Variants in CLNK observed in about 807,000 individuals in gnomAD.
CLNK encodes cytokine dependent hematopoietic cell linker.
In CLNK, 74 loss-of-function variants were observed where a neutral mutation model predicts 68.6. That is an observed-to-expected ratio of 1.08 (90% CI 0.89 to 1.31). The LOEUF (loss-of-function observed/expected upper bound fraction) is 1.31. CLNK is among the 50% of genes most tolerant of loss of function. CLNK has a pLI of 0.00. For synonymous variants in CLNK, 198 were observed against 172.2 expected, an observed-to-expected ratio of 1.15 and a Z score of -1.17; for missense variants, 553 against 515.3, an observed-to-expected ratio of 1.07 and a Z score of -0.71.
intron 8 of CLNK, among the ~76,000 whole-genome samples, chr4:10,547,185 C>CGAG (rs1719266108): frequency 6.6e-6 from 1 of 152,112 alleles, no homozygotes; most frequent in Admixed American, 6.6e-5. Context: ...GGGATGAGCA[C>CGAG]GAGGAGGAGG....
In CLNK at chr4:10,587,611, A is replaced by G. The variant is rs1052914643; in HGVS notation, c.84-2656T>C. 3.3e-4 allele frequency among the ~76,000 whole-genome samples: 51 copies of G among 152,258 alleles called. 1 individual carries two copies. The highest frequency in any genetic ancestry group is 7.3e-4 in the Non-Finnish European group (50 of 68,050). ...GTTTGTAACCAGGAGACCACGGTCT[A>G]CAAGTTGAGTCTGACTTCAGCGTAA... On this transcript the variant is annotated intron_variant, in intron 3 of 18. Coordinates refer to ENST00000226951, the MANE Select transcript of CLNK (RefSeq NM_052964.4).
intron 2 of CLNK, among the ~76,000 whole-genome samples, chr4:10,631,146 A>C (rs1722874953): frequency 6.6e-6 from 1 of 152,094 alleles, no homozygotes; most frequent in Admixed American, 6.5e-5. Context: ...GATGTCTAGC[A>C]GTCTTTGGGT....
At chr4:10,702,695 G>C in the CLNK span, among the ~76,000 whole-genome samples, 1 of 152,194 alleles carries the variant, frequency 6.6e-6, no homozygotes, top group South Asian at 2.1e-4. Flanking sequence ...TCTTGGATAG[G>C]AGTCTGGAAT....
At chr4:10,641,754 C>A (rs1410229050) in intron 2 of CLNK, among the ~76,000 whole-genome samples, 1 of 152,202 alleles carries the variant, frequency 6.6e-6, no homozygotes, top group East Asian at 1.9e-4. Flanking sequence ...CTACCCAAAT[C>A]TCATCTTGAA....
the CLNK span, among the ~76,000 whole-genome samples, chr4:10,716,443 T>G: frequency 2.0e-5 from 3 of 152,166 alleles, no homozygotes. Flanking sequence ...TGGGCATACT[T>G]TAAAAAATTT....
the CLNK span, among the ~76,000 whole-genome samples, chr4:10,710,572 T>G: frequency 6.6e-6 from 1 of 152,188 alleles, no homozygotes; most frequent in South Asian, 2.1e-4. Context: ...CATGATTTCT[T>G]GAGGCAGGCA....
intron 2 of CLNK, among the ~76,000 whole-genome samples, chr4:10,625,607 G>C (rs1722636537): frequency 6.6e-6 from 1 of 152,172 alleles, no homozygotes; most frequent in African/African-American, 2.4e-5. Context: ...GAAAGATAAA[G>C]AGACACAGAG....
At chr4:10,507,230 G>C (rs985041346) in intron 17 of CLNK, among the ~76,000 whole-genome samples, 11 of 151,846 alleles carry the variant, frequency 7.2e-5, no homozygotes, top group Non-Finnish European at 1.6e-4. Context: ...TCTTGTCTCA[G>C]CCTCCCGAGT....
chr4:10,564,522 G>C (rs1720020600), intron 7 of CLNK, 149 bp downstream of exon 7: 1 of 630,274 alleles, frequency 1.6e-6, no homozygotes, highest in African/African-American at 1.8e-5. Context: ...CCTCCTACCA[G>C]TCATAAGAGT....
At chr4:10,668,505 A>G (rs1724497285) in intron 1 of CLNK, among the ~76,000 whole-genome samples, 1 of 152,210 alleles carries the variant, frequency 6.6e-6, no homozygotes, top group Non-Finnish European at 1.5e-5. Context: ...AGAGGTGTAA[A>G]GGATATCAGC....
chr4:10,631,532 T>C (rs1722889881), intron 2 of CLNK, among the ~76,000 whole-genome samples: 1 of 149,564 alleles, frequency 6.7e-6, no homozygotes, highest in East Asian at 2.0e-4. Context: ...CCTTGGTGGA[T>C]AGGCAGTTGA....
intron 15 of CLNK, among the ~76,000 whole-genome samples, chr4:10,516,677 C>G (rs763084111): frequency 1.3e-5 from 2 of 152,012 alleles, no homozygotes; most frequent in African/African-American, 4.8e-5. Flanking sequence ...CTCAGCCTCC[C>G]GAGTAGCTGG....
At chr4:10,706,797 C>T in the CLNK span, among the ~76,000 whole-genome samples, 4 of 152,118 alleles carry the variant, frequency 2.6e-5, no homozygotes, top group Non-Finnish European at 5.9e-5. Flanking sequence ...TGTATGATGT[C>T]TATAAACAAA....
chr4:10,713,110 C>A, the CLNK span, among the ~76,000 whole-genome samples: 1 of 152,168 alleles, frequency 6.6e-6, no homozygotes, highest in Non-Finnish European at 1.5e-5. Context: ...TTCTCTGCTG[C>A]AAGAGCTGCT....
At chr4:10,552,672 C>T (rs960859044) in intron 8 of CLNK, among the ~76,000 whole-genome samples, 3 of 152,090 alleles carry the variant, frequency 2.0e-5, no homozygotes, top group East Asian at 1.9e-4. Flanking sequence ...GCCCTCCCAT[C>T]CCTTCCCCCA....
intron 2 of CLNK, among the ~76,000 whole-genome samples, chr4:10,601,084 G>A (rs779123440): frequency 4.6e-5 from 7 of 152,166 alleles, no homozygotes; most frequent in Non-Finnish European, 8.8e-5. Flanking sequence ...CCTCAGTAGC[G>A]AATAGGCAGG....
At chr4:10,610,113 G>A (rs1274402640) in intron 2 of CLNK, among the ~76,000 whole-genome samples, 1 of 122,026 alleles carries the variant, frequency 8.2e-6, no homozygotes, top group Non-Finnish European at 1.6e-5. Context: ...CGGGAGTGCT[G>A]TGGCGCGATC....
At chr4:10,503,133 A>G (rs1053472295) in intron 17 of CLNK, among the ~76,000 whole-genome samples, 3 of 152,174 alleles carry the variant, frequency 2.0e-5, no homozygotes, top group African/African-American at 7.2e-5. Flanking sequence ...TGTAAGTGTA[A>G]TTGTGTGTAT....
At chr4:10,519,862 ATATGTCAGT>A (rs1333066841) in intron 15 of CLNK, among the ~76,000 whole-genome samples, 1 of 152,160 alleles carries the variant, frequency 6.6e-6, no homozygotes, top group African/African-American at 2.4e-5. Context: ...ATTAATATGA[ATATGTCAGT>A]TAACATTACT....
Sources: gnomAD v4.1 joint callset for allele counts (sites outside exome capture counted in the v4.1 genomes callset) on GRCh38, gnomAD v4.1.1 for gene constraint, MANE v1.5 for transcripts, NCBI Gene and HGNC (gene_info 2026-07-23, HGNC 2026-07-21) for gene names.